The following DHTKD1 variants were observed in gnomAD, a reference collection of about 807,000 sequenced individuals.
DHTKD1 encodes dehydrogenase E1 and transketolase domain containing 1, also known as 2-oxoadipate dehydrogenase complex component E1.
A neutral mutation model predicts 101.8 loss-of-function variants in DHTKD1; 78 were observed. That is an observed-to-expected ratio of 0.77 (90% CI 0.64 to 0.93). The LOEUF is 0.93. DHTKD1 is among the 40% of genes least tolerant of loss of function. The pLI, the probability that DHTKD1 is intolerant of heterozygous loss-of-function variation, is 0.00. For synonymous variants in DHTKD1, 462 were observed against 450.3 expected, an observed-to-expected ratio of 1.03 and a Z score of -0.33; for missense variants, 1,223 against 1,161.7, an observed-to-expected ratio of 1.05 and a Z score of -0.77.
chr10:12,077,061 TTTTG>T (rs745805978), intron 1 of DHTKD1, among the ~76,000 whole-genome samples: 5 of 150,016 alleles, frequency 3.3e-5, no homozygotes, highest in Non-Finnish European at 5.9e-5. Context: ...GATCAGTTTC[TTTTG>T]TTTATGAAAA....
chr10:12,098,042 A>G (rs1490870518), intron 8 of DHTKD1, 46 bp downstream of exon 8: 9 of 1,526,078 alleles, frequency 5.9e-6, no homozygotes, highest in East Asian at 2.3e-5. Flanking sequence ...CTTCCTGCTC[A>G]GCAAAGGAGC....
chr10:12,108,096 C>A, intron 12 of DHTKD1, 81 bp downstream of exon 12: 3 of 986,348 alleles, frequency 3.0e-6, no homozygotes, highest in South Asian at 2.8e-5. Context: ...TAGCTTAACG[C>A]CCACCTAACT....
intron 10 of DHTKD1, among the ~76,000 whole-genome samples, chr10:12,104,481 C>T (rs988478824): frequency 6.6e-5 from 10 of 152,088 alleles, no homozygotes; most frequent in Admixed American, 5.2e-4. Context: ...GCCCGTCCTT[C>T]CTTTTTATTC....
chr10:12,091,411 C>CAAAA (rs71382619), intron 5 of DHTKD1, 102 bp from the exon 6 acceptor site: 2,801 of 191,908 alleles, frequency 0.015, 19 homozygotes, highest in South Asian at 0.025. Flanking sequence ...GACTCTGTCT[C>CAAAA]AAAAAAAAAA....
chr10:12,096,013 A>G (rs1833067663), intron 7 of DHTKD1, among the ~76,000 whole-genome samples: 1 of 152,026 alleles, frequency 6.6e-6, no homozygotes, highest in South Asian at 2.1e-4. Context: ...GGTCTCAAAG[A>G]AAAAACAAGA....
intron 8 of DHTKD1, among the ~76,000 whole-genome samples, chr10:12,098,660 G>A (rs1280089097): frequency 3.9e-5 from 6 of 152,134 alleles, no homozygotes; most frequent in African/African-American, 1.4e-4. Flanking sequence ...CACCTCCCAG[G>A]TTCAAACGAT....
intron 1 of DHTKD1, among the ~76,000 whole-genome samples, chr10:12,078,591 A>G (rs1374399951): frequency 6.6e-6 from 1 of 152,172 alleles, no homozygotes; most frequent in Non-Finnish European, 1.5e-5. Context: ...AGCCTGGGTG[A>G]CAGAGTGAGA....
Position 12,100,221 on chromosome 10 carries a change from C to T in DHTKD1, c.1715C>T (p.Ala572Val). 6.3e-7 allele frequency: 1 copy of T among 1,593,166 alleles called. No homozygotes were observed. ...KMMDGIKLDW[A>V]TAEALALGSL... ...ATGGACGGAATCAAGCTAGACTGGG[C>T]CACCGCGGAAGCTCTTGCCTTGGGT... The change falls in exon 9 of 17, where the codon GCC (alanine) becomes GTC (valine). Residue 572 changes from alanine (A) to valine (V), a missense_variant. Ala to Val is a moderately conservative substitution (Grantham distance 64, BLOSUM62 0). Transcript: ENST00000263035.
At chr10:12,093,310 CT>C in intron 6 of DHTKD1, among the ~76,000 whole-genome samples, 1 of 152,250 alleles carries the variant, frequency 6.6e-6, no homozygotes, top group South Asian at 2.1e-4. Context: ...TCCCAGAGTG[CT>C]GGGATTATAG....
rs898035081 is a variant in DHTKD1 at position 12,123,168 on chromosome 10, ATGT to A, written c.*2285_*2287del. The A allele has an allele frequency of 1.1e-4, 17 of 152,152 alleles. No homozygotes were observed. The highest frequency in any genetic ancestry group is 2.1e-4 in the South Asian group (1 of 4,830). The allele number at this position is 152,152 out of a possible 1,614,324, so 9.4% of individuals were successfully genotyped here. A position where few individuals can be genotyped will look rare whatever the true frequency, so the allele number is the denominator to read the frequency against. On this transcript the variant is annotated 3_prime_UTR_variant, in exon 17 of 17. Coordinates refer to ENST00000263035, the MANE Select transcript of DHTKD1 (RefSeq NM_018706.7). ...TCTATTTAATGAAAACGATTTACCA[ATGT>A]TGTTTTTTTTTAACAAGAAAAAAAA...
chr10:12,111,991 G>A (rs921286015), intron 12 of DHTKD1, among the ~76,000 whole-genome samples: 1 of 152,018 alleles, frequency 6.6e-6, no homozygotes, highest in African/African-American at 2.4e-5. Context: ...GAAGGGTCAT[G>A]GGAATCAAGG....
At chr10:12,077,427 A>G (rs1333393311) in intron 1 of DHTKD1, among the ~76,000 whole-genome samples, 1 of 152,120 alleles carries the variant, frequency 6.6e-6, no homozygotes, top group Non-Finnish European at 1.5e-5. Context: ...GGGTTTCACC[A>G]TGTGGGCCAG....
chr10:12,107,952 T>C lies in DHTKD1; in HGVS notation c.2091T>C (p.Leu697=), dbSNP rs1186462278. 1 of 1,613,882 alleles carries C rather than the reference T, an allele frequency of 6.2e-7. No homozygotes were observed. Among genetic ancestry groups the C allele is most frequent in the East Asian group, 2.2e-5 (1 of 44,888 alleles). ...WLLQSGIVIL[L]PHGYDGAGPD... ...TACAAAGCGGCATCGTCATCCTCCT[T>C]CCACATGGCTACGATGGGGCTGGGC... The change falls in exon 12 of 17, where the codon CTT becomes CTC. Residue 697 remains leucine (L), a synonymous_variant. Transcript: ENST00000263035. The surrounding 1 kb of genome is among the most constrained non-coding windows in gnomAD (Gnocchi z 4.1).
chr10:12,089,027 G>T lies in DHTKD1; in HGVS notation c.759G>T (p.Glu253Asp). 1 of 1,614,102 alleles carries T rather than the reference G, an allele frequency of 6.2e-7. No homozygotes were observed. Among genetic ancestry groups the T allele is most frequent in the South Asian group, 1.1e-5 (1 of 91,076 alleles). ...RKMRGLSEFP[E>D]NFSATGDVLS... The stretch of plus-strand genomic sequence containing the variant: ...TGCGAGGCTTAAGTGAATTTCCAGA[G>T]AATTTCTCAGCCACTGGAGACGTCC... The change falls in exon 5 of 17, where the codon GAG becomes GAT. Residue 253 changes from glutamate (E) to aspartate (D), a missense_variant. Physicochemically the swap from Glu to Asp is conservative, Grantham distance 45 (BLOSUM62 2). Coordinates refer to ENST00000263035, the MANE Select transcript of DHTKD1 (RefSeq NM_018706.7).
intron 1 of DHTKD1, among the ~76,000 whole-genome samples, chr10:12,078,207 C>T (rs1243620606): frequency 1.3e-5 from 2 of 151,862 alleles, no homozygotes; most frequent in Non-Finnish European, 2.9e-5. Flanking sequence ...GGTGGATCAC[C>T]TGAGGTCAGG....
In DHTKD1 at chr10:12,116,541, C is replaced by T. The variant is rs572710085; in HGVS notation, c.2320-1132C>T. ...CAGTAGCTGGGATTACAGGCATGCACCACCACGCCCAGCTAACTTTTATAA... is the reference window on the plus strand; with the variant it reads ...CAGTAGCTGGGATTACAGGCATGCATCACCACGCCCAGCTAACTTTTATAA... On this transcript the variant is annotated intron_variant, in intron 13 of 16. Coordinates refer to ENST00000263035, the MANE Select transcript of DHTKD1 (RefSeq NM_018706.7). Among the ~76,000 whole-genome samples, 175 of 152,008 alleles carry T rather than the reference C, an allele frequency of 1.2e-3. 1 individual carries two copies. Among genetic ancestry groups the T allele is most frequent in the African/African-American group, 3.8e-3 (159 of 41,480 alleles).
At position 12,122,133 on chromosome 10, in the gene DHTKD1, G is replaced by C. The variant is rs1397913691; in HGVS notation, c.*1245G>C. The C allele has an allele frequency of 6.6e-6, 1 of 152,122 alleles. No homozygotes were observed. The highest frequency in any genetic ancestry group is 1.5e-5 in the Non-Finnish European group (1 of 68,026). 9.4% of individuals were successfully genotyped at this position (152,122 alleles called of 1,614,324 possible). On this transcript the variant is annotated 3_prime_UTR_variant, in exon 17 of 17. Coordinates refer to ENST00000263035, the MANE Select transcript of DHTKD1 (RefSeq NM_018706.7). Reference sequence around the variant, plus strand: ...TCTAGTACTGTATTTTTAAATTAAGGAGTTTTAGTTATAATGAAATTGATT... The same window carrying C: ...TCTAGTACTGTATTTTTAAATTAAGCAGTTTTAGTTATAATGAAATTGATT...
chr10:12,083,931 T>C (rs1040042633), intron 2 of DHTKD1, among the ~76,000 whole-genome samples: 4 of 151,912 alleles, frequency 2.6e-5, no homozygotes, highest in African/African-American at 9.7e-5. Flanking sequence ...TTTATTTATT[T>C]ATTTATTTTG....
chr10:12,093,137 G>T (rs1007830090), intron 6 of DHTKD1, among the ~76,000 whole-genome samples: 1 of 150,832 alleles, frequency 6.6e-6, no homozygotes, highest in Non-Finnish European at 1.5e-5. Context: ...TGCACCTCCC[G>T]GGTTCAAGCA....
Sources: gnomAD v4.1 joint callset for allele counts (sites outside exome capture counted in the v4.1 genomes callset) on GRCh38, gnomAD v4.1.1 for gene constraint, Gnocchi (gnomAD v3.1) non-coding constraint, MANE v1.5 for transcripts, NCBI Gene and HGNC (gene_info 2026-07-23, HGNC 2026-07-21) for gene names.